ILDR1: variants seen among roughly 807,000 people sequenced by gnomAD.
ILDR1 encodes immunoglobulin-like domain-containing receptor 1.
A neutral mutation model predicts 62.4 loss-of-function variants in ILDR1; 56 were observed. That is an observed-to-expected ratio of 0.90 (90% CI 0.72 to 1.12). The LOEUF is 1.12. Among genes scored for constraint, ILDR1 ranks in the 50% most tolerant of loss-of-function variants. The probability of loss-of-function intolerance (pLI) is 0.00; values close to 1 mark genes in which losing one functional copy is unlikely to be tolerated. For synonymous variants in ILDR1, 284 were observed against 277.8 expected, an observed-to-expected ratio of 1.02 and a Z score of -0.22; for missense variants, 736 against 710.6, an observed-to-expected ratio of 1.04 and a Z score of -0.41.
At chr3:122,009,692 G>A (rs907732631) in intron 1 of ILDR1, among the ~76,000 whole-genome samples, 1 of 152,166 alleles carries the variant, frequency 6.6e-6, no homozygotes, top group South Asian at 2.1e-4. Context: ...TTTGACCAAG[G>A]TACTCCCACA....
intron 5 of ILDR1, among the ~76,000 whole-genome samples, chr3:121,996,309 C>T (rs1028530338): frequency 2.6e-5 from 4 of 152,218 alleles, no homozygotes; most frequent in Non-Finnish European, 5.9e-5. Flanking sequence ...CCAGATCCTC[C>T]ATGAGTGTTT....
chr3:121,988,997 G>A (rs2071297303), intron 7 of ILDR1, among the ~76,000 whole-genome samples: 1 of 151,914 alleles, frequency 6.6e-6, no homozygotes, highest in African/African-American at 2.4e-5. Context: ...AAGAACTGTG[G>A]TTTACATTTC....
chr3:122,054,781 T>C, the ILDR1 span, among the ~76,000 whole-genome samples: 1 of 152,194 alleles, frequency 6.6e-6, no homozygotes. Flanking sequence ...TAGGGACATC[T>C]ATTAATTTTA....
chr3:122,007,189 G>A, intron 1 of ILDR1, 28 bp from the exon 2 acceptor site: 1 of 1,614,066 alleles, frequency 6.2e-7, no homozygotes, highest in Non-Finnish European at 8.5e-7. Context: ...AGAAAATGCT[G>A]AAGGTGACCT....
intron 5 of ILDR1, among the ~76,000 whole-genome samples, chr3:121,995,172 T>C (rs13088702): frequency 0.1 from 15,764 of 152,230 alleles, 961 homozygotes; most frequent in African/African-American, 0.17. Flanking sequence ...TGTTTTTGTT[T>C]GTGCTTTTCT....
At chr3:122,045,371 G>C in the ILDR1 span, among the ~76,000 whole-genome samples, 1 of 151,202 alleles carries the variant, frequency 6.6e-6, no homozygotes, top group Non-Finnish European at 1.5e-5. Context: ...GTGTGGTGTG[G>C]TGCTGAAAAA....
At chr3:122,031,002 C>G in the ILDR1 span, among the ~76,000 whole-genome samples, 3 of 152,204 alleles carry the variant, frequency 2.0e-5, no homozygotes, top group African/African-American at 4.8e-5. Context: ...CTCAGCTTCT[C>G]TTTGCTAACT....
chr3:122,036,489 T>C, the ILDR1 span, among the ~76,000 whole-genome samples: 10 of 151,042 alleles, frequency 6.6e-5, no homozygotes, highest in African/African-American at 2.4e-4. Context: ...CTCAGGAGGC[T>C]GAGGCAGGAG....
chr3:122,036,965 G>T, the ILDR1 span, among the ~76,000 whole-genome samples: 6,841 of 152,330 alleles, frequency 0.045, 215 homozygotes, highest in South Asian at 0.1. Context: ...TTCAGAGGGT[G>T]CAAGCCCCAA....
chr3:121,994,249 G>A lies in ILDR1; in HGVS notation c.711C>T (p.Pro237=), dbSNP rs2107645780. The change falls in exon 6 of 8, where the codon CCC becomes CCT. Residue 237 remains proline, a synonymous_variant. Coordinates refer to ENST00000344209, the MANE Select transcript of ILDR1 (RefSeq NM_001199799.2). Reference sequence around the variant, plus strand: ...AGCTCCTGTCCGCCCCCCAGTACAGGGGTTTTCCCATCATCTGAGGACCTA... The same window carrying A: ...AGCTCCTGTCCGCCCCCCAGTACAGAGGTTTTCCCATCATCTGAGGACCTA... ...QALGPQMMGK[P]LYWGADRSSQ... 1 of 1,536,102 alleles carries A rather than the reference G, an allele frequency of 6.5e-7. No homozygotes were observed. Among genetic ancestry groups the A allele is most frequent in the South Asian group, 1.2e-5 (1 of 84,058 alleles).
At chr3:121,996,119 C>G (rs1352457724) in intron 5 of ILDR1, among the ~76,000 whole-genome samples, 1 of 152,174 alleles carries the variant, frequency 6.6e-6, no homozygotes, top group African/African-American at 2.4e-5. Flanking sequence ...GGAGAACAAC[C>G]CTACCCACTG....
intron 1 of ILDR1, among the ~76,000 whole-genome samples, chr3:122,018,652 T>C (rs72965403): frequency 0.043 from 6,510 of 152,298 alleles, 391 homozygotes; most frequent in African/African-American, 0.14. Context: ...AACTCCACTC[T>C]GTCAACCTGA....
upstream of ILDR1, chr3:122,025,318 A>C (rs1291461523): frequency 2.6e-5 from 4 of 152,252 alleles, no homozygotes. Context: ...AAGCACTTTC[A>C]TTATTGAAGT....
At chr3:121,998,241 G>A (rs1394806624) in intron 5 of ILDR1, among the ~76,000 whole-genome samples, 1 of 152,144 alleles carries the variant, frequency 6.6e-6, no homozygotes, top group Non-Finnish European at 1.5e-5. Context: ...TCACTCATCA[G>A]TGACCTCACT....
rs145760611 is a variant in ILDR1, at chr3:122,007,492, A to AT, written c.59-332dup. Among the ~76,000 whole-genome samples the AT allele has an allele frequency of 9.0e-3, 1,374 of 152,216 alleles. 18 individuals are homozygous for AT. Among genetic ancestry groups the AT allele is most frequent in the African/African-American group, 0.031 (1,274 of 41,506 alleles). ...TGTACAGAAGTGACACTGCTAATAT[A>AT]TTTTTTTCCTCACATCATGTCTCTT... On this transcript the variant is annotated intron_variant, in intron 1 of 7. Coordinates refer to ENST00000344209, the MANE Select transcript of ILDR1 (RefSeq NM_001199799.2).
chr3:122,005,414 A>G lies in ILDR1; in HGVS notation c.230-21T>C, dbSNP rs757727550. On this transcript the variant is annotated intron_variant, in intron 2 of 7. Transcript: ENST00000344209. ...GTATGCTGAGGAGAGAGGGCACACT[A>G]GAGTCACACAGCAATAGGGGGTTCC... The G allele has an allele frequency of 9.3e-6, 15 of 1,613,968 alleles. No individual in the cohort carries two copies. In the East Asian group the frequency reaches 3.3e-4, roughly 36 times the overall value.
chr3:122,032,501 T>C, the ILDR1 span, among the ~76,000 whole-genome samples: 6 of 152,204 alleles, frequency 3.9e-5, no homozygotes, highest in Non-Finnish European at 5.9e-5. Context: ...GGTAAAATTG[T>C]TTGGTCATAG....
chr3:122,036,378 A>G, the ILDR1 span, among the ~76,000 whole-genome samples: 1 of 152,158 alleles, frequency 6.6e-6, no homozygotes, highest in Non-Finnish European at 1.5e-5. Context: ...TCACAAGGTC[A>G]GGAGATCAAG....
At chr3:122,047,841 A>T in the ILDR1 span, among the ~76,000 whole-genome samples, 1 of 152,136 alleles carries the variant, frequency 6.6e-6, no homozygotes, top group African/African-American at 2.4e-5. Context: ...TAAACCCGGT[A>T]CCTCGGATGG....
Sources: gnomAD v4.1 joint callset for allele counts (sites outside exome capture counted in the v4.1 genomes callset) on GRCh38, gnomAD v4.1.1 for gene constraint, MANE v1.5 for transcripts, NCBI Gene and HGNC (gene_info 2026-07-23, HGNC 2026-07-21) for gene names.